The following SIPA1L1 variants were observed in gnomAD, a reference collection of about 807,000 sequenced individuals.
SIPA1L1 encodes signal-induced proliferation-associated 1-like protein 1.
In SIPA1L1, 26 loss-of-function variants were observed where a neutral mutation model predicts 162.7. The ratio of observed to expected loss-of-function variants is 0.16; its 90% CI spans 0.12 to 0.22. The LOEUF is 0.22. Ranked by LOEUF, SIPA1L1 falls within the 10% of genes least tolerant of loss-of-function variation. The pLI is 1.00. For synonymous variants in SIPA1L1, 829 were observed against 837.4 expected, an observed-to-expected ratio of 0.99 and a Z score of 0.17; for missense variants, 1,874 against 2,241.0, an observed-to-expected ratio of 0.84 and a Z score of 3.31.
intron 5 of SIPA1L1, among the ~76,000 whole-genome samples, chr14:71,616,329 G>T (rs562916101): frequency 2.0e-5 from 3 of 152,202 alleles, no homozygotes. Context: ...AAAGTCATTG[G>T]TGACCCATGC....
rs752625090 is a variant in SIPA1L1, at chr14:71,735,404, G to A, written c.5123+13G>A. The A allele has an allele frequency of 6.4e-7, 1 of 1,559,284 alleles. No homozygotes were observed. The highest frequency in any genetic ancestry group is 1.1e-5 in the South Asian group (1 of 89,940). On this transcript the variant is annotated intron_variant, in intron 22 of 23. Coordinates refer to ENST00000381232, the MANE Select transcript of SIPA1L1 (RefSeq NM_001386936.1). ...AGCCTTACAGCAGGTTGGTCCCAGTGCAAGGGCAGTACTCTGCACCTTGTG... is the reference window on the plus strand; with the variant it reads ...AGCCTTACAGCAGGTTGGTCCCAGTACAAGGGCAGTACTCTGCACCTTGTG...
chr14:71,696,091 A>G (rs1279875135), intron 13 of SIPA1L1, among the ~76,000 whole-genome samples: 1 of 152,176 alleles, frequency 6.6e-6, no homozygotes, highest in Non-Finnish European at 1.5e-5. Context: ...AGTAGAAATG[A>G]GCTAGTATCC....
chr14:71,321,670 T>C (rs1240645479), intron 2 of SIPA1L1: 2 of 152,294 alleles, frequency 1.3e-5, no homozygotes, highest in Non-Finnish European at 2.9e-5. Flanking sequence ...TGGGATGCTC[T>C]AACCTGCTTT....
chr14:71,735,252 A>G, intron 21 of SIPA1L1, 25 bp from the exon 22 acceptor site: 1 of 1,530,112 alleles, frequency 6.5e-7, no homozygotes, highest in Non-Finnish European at 9.1e-7. Flanking sequence ...CCAAAATACT[A>G]AATGGTTTCT....
At chr14:71,565,257 T>C (rs1339794790) in intron 4 of SIPA1L1, among the ~76,000 whole-genome samples, 1 of 152,190 alleles carries the variant, frequency 6.6e-6, no homozygotes, top group African/African-American at 2.4e-5. Flanking sequence ...ACACAACCTT[T>C]TCAGTTGGGT....
At chr14:71,335,805 T>C (rs754026926) in intron 2 of SIPA1L1, among the ~76,000 whole-genome samples, 3 of 152,232 alleles carry the variant, frequency 2.0e-5, no homozygotes, top group Admixed American at 6.5e-5. Flanking sequence ...TTGCTTTTCA[T>C]TGAATTGGCT....
chr14:71,584,987 TTGATCTGTCATCATA>T (rs914402480), intron 4 of SIPA1L1, among the ~76,000 whole-genome samples: 2 of 152,350 alleles, frequency 1.3e-5, no homozygotes, highest in African/African-American at 4.8e-5. Context: ...GAAGGTATTA[TTGATCTGTCATCATA>T]TGATACACAT....
At chr14:71,525,566 A>G (rs2052781894) in intron 3 of SIPA1L1, among the ~76,000 whole-genome samples, 1 of 152,208 alleles carries the variant, frequency 6.6e-6, no homozygotes, top group South Asian at 2.1e-4. Context: ...AGCCCATACA[A>G]TAGAACGTAA....
At chr14:71,383,527 A>G (rs980227060) in intron 2 of SIPA1L1, among the ~76,000 whole-genome samples, 3 of 152,212 alleles carry the variant, frequency 2.0e-5, no homozygotes, top group Non-Finnish European at 4.4e-5. Context: ...CATTGCTATA[A>G]ATATCCAAGA....
At chr14:71,356,586 A>AAAAAAAAAAAAAAAAAAAAC (rs1323653711) in intron 2 of SIPA1L1, among the ~76,000 whole-genome samples, 2 of 147,294 alleles carry the variant, frequency 1.4e-5, no homozygotes, top group Admixed American at 6.8e-5. Context: ...AAAAAAAAAA[A>AAAAAAAAAAAAAAAAAAAAC]AGCACACCTG....
At chr14:71,458,612 T>C (rs36531) in intron 2 of SIPA1L1, among the ~76,000 whole-genome samples, 46,109 of 152,060 alleles carry the variant, frequency 0.3, 7,573 homozygotes, top group East Asian at 0.68. Context: ...AATGAATTGA[T>C]TCAACTATTT....
intron 12 of SIPA1L1, among the ~76,000 whole-genome samples, chr14:71,682,329 A>T (rs1286532406): frequency 6.6e-6 from 1 of 152,246 alleles, no homozygotes; most frequent in Non-Finnish European, 1.5e-5. Flanking sequence ...AAGTTTATGC[A>T]TAGCATTAAA....
chr14:71,578,004 G>A (rs1429757932), intron 4 of SIPA1L1, among the ~76,000 whole-genome samples: 2 of 151,960 alleles, frequency 1.3e-5, no homozygotes, highest in African/African-American at 2.4e-5. Context: ...TCTGCTGCCC[G>A]GATTCATCCA....
intron 2 of SIPA1L1, among the ~76,000 whole-genome samples, chr14:71,458,321 A>G (rs1204407318): frequency 6.6e-6 from 1 of 152,190 alleles, no homozygotes; most frequent in Non-Finnish European, 1.5e-5. Context: ...ATTGTATGTA[A>G]TAGTATATTT....
At chr14:71,529,430 G>T in intron 4 of SIPA1L1, 60 bp downstream of exon 4, 1 of 569,652 alleles carries the variant, frequency 1.8e-6, no homozygotes, top group Non-Finnish European at 3.2e-6. Context: ...GATTTTCTGT[G>T]TTTAAATTTC....
chr14:71,425,654 A>G (rs2043506069), intron 2 of SIPA1L1, among the ~76,000 whole-genome samples: 1 of 152,120 alleles, frequency 6.6e-6, no homozygotes. Context: ...AAAATATCCC[A>G]TATGCTTTTA....
intron 5 of SIPA1L1, among the ~76,000 whole-genome samples, chr14:71,606,972 C>A (rs2037600810): frequency 6.6e-6 from 1 of 151,368 alleles, no homozygotes; most frequent in African/African-American, 2.4e-5. Context: ...CATATACATG[C>A]ATAAACACAG....
At chr14:71,391,356 T>C (rs2040742028) in intron 2 of SIPA1L1, among the ~76,000 whole-genome samples, 1 of 152,170 alleles carries the variant, frequency 6.6e-6, no homozygotes, top group South Asian at 2.1e-4. Flanking sequence ...CCGCCCGCCT[T>C]GGCCTCCCAA....
intron 2 of SIPA1L1, among the ~76,000 whole-genome samples, chr14:71,464,412 G>C (rs572473032): frequency 2.0e-5 from 3 of 152,334 alleles, no homozygotes; most frequent in Admixed American, 6.5e-5. Flanking sequence ...GGTCGCCGAG[G>C]TGGGCGGATC....
Sources: allele counts gnomAD v4.1 joint callset (sites outside exome capture counted in the v4.1 genomes callset), GRCh38; gene constraint gnomAD v4.1.1; transcripts MANE v1.5; gene names NCBI Gene and HGNC (gene_info 2026-07-23, HGNC 2026-07-21).